ADGRB3: variants seen among roughly 807,000 people sequenced by gnomAD.
The protein encoded by ADGRB3 is adhesion G protein-coupled receptor B3, also known as brain-specific angiogenesis inhibitor 3.
In ADGRB3, 37 loss-of-function variants were observed where a neutral mutation model predicts 193.4. That is an observed-to-expected ratio of 0.19 (90% confidence interval 0.15 to 0.25). The LOEUF (loss-of-function observed/expected upper bound fraction) is 0.25. ADGRB3 is among the 10% of genes least tolerant of loss of function. The pLI is 1.00. For missense variants in ADGRB3, 1,637 were observed against 1,852.9 expected (o/e 0.88, Z 2.14); for synonymous variants, 690 against 644.2 (o/e 1.07, Z -1.08).
intron 11 of ADGRB3, among the ~76,000 whole-genome samples, chr6:69,004,564 T>TC (rs1769688781): frequency 1.2e-5 from 1 of 83,644 alleles, no homozygotes; most frequent in African/African-American, 4.9e-5. Context: ...CCCTCCCCCC[T>TC]CCCCCGACCC....
chr6:69,322,540 C>A (rs1193025390), intron 20 of ADGRB3, among the ~76,000 whole-genome samples: 4 of 151,852 alleles, frequency 2.6e-5, no homozygotes, highest in Non-Finnish European at 5.9e-5. Flanking sequence ...TTACTAATAG[C>A]CATTCTGACT....
chr6:69,284,887 A>G (rs990016071), intron 20 of ADGRB3, among the ~76,000 whole-genome samples: 1 of 152,212 alleles, frequency 6.6e-6, no homozygotes, highest in Non-Finnish European at 1.5e-5. Flanking sequence ...ATTGAGAAGT[A>G]CAAGAAAAAC....
chr6:69,275,178 A>T (rs1235789317), intron 20 of ADGRB3, among the ~76,000 whole-genome samples: 2 of 152,164 alleles, frequency 1.3e-5, no homozygotes, highest in Admixed American at 1.3e-4. Context: ...GATCTGACTA[A>T]TATTACCCCT....
chr6:68,996,798 C>G (rs953193250), intron 11 of ADGRB3, among the ~76,000 whole-genome samples: 1 of 152,108 alleles, frequency 6.6e-6, no homozygotes, highest in Non-Finnish European at 1.5e-5. Context: ...TGTTTCTGAT[C>G]CATCTTTGGA....
intron 29 of ADGRB3, among the ~76,000 whole-genome samples, chr6:69,369,951 C>G (rs925012898): frequency 1.3e-5 from 2 of 152,116 alleles, no homozygotes; most frequent in African/African-American, 4.8e-5. Flanking sequence ...CTTGGACTGA[C>G]TGGCTCATCT....
chr6:68,840,414 A>C (rs1768131879), intron 3 of ADGRB3, among the ~76,000 whole-genome samples: 2 of 65,814 alleles, frequency 3.0e-5, no homozygotes, highest in Non-Finnish European at 5.5e-5. Context: ...TTTTTGAGAC[A>C]AGGTCTTTCT....
At chr6:69,335,368 C>A (rs977977725) in intron 24 of ADGRB3, among the ~76,000 whole-genome samples, 1 of 152,000 alleles carries the variant, frequency 6.6e-6, no homozygotes, top group Non-Finnish European at 1.5e-5. Flanking sequence ...GTTTCACTGG[C>A]AAAACTGAGT....
At chr6:69,086,445 G>A (rs1772553236) in intron 17 of ADGRB3, among the ~76,000 whole-genome samples, 2 of 152,206 alleles carry the variant, frequency 1.3e-5, no homozygotes, top group South Asian at 2.1e-4. Context: ...GCAGTAGTCC[G>A]AAATGTGATG....
Position 69,388,747 on chromosome 6 carries a change from C to G in ADGRB3, c.4425C>G (p.Asn1475Lys). The G allele has an allele frequency of 6.2e-7, 1 of 1,613,390 alleles. No individual in the cohort carries two copies. Among genetic ancestry groups the G allele is most frequent in the Non-Finnish European group, 8.5e-7 (1 of 1,179,606 alleles). Residue 1475 changes from asparagine (N) to lysine (K), a missense_variant, in exon 32 of 32, where the codon AAC becomes AAG. Physicochemically the swap from Asn to Lys is moderately conservative, Grantham distance 94. Coordinates refer to ENST00000370598, the MANE Select transcript of ADGRB3 (RefSeq NM_001704.3). ...PNKNPWDTFK[N>K]PSEYPHYTTI... ...AGAATCCATGGGACACTTTCAAAAACCCCAGTGAATACCCGCATTACACCA... is the reference window on the plus strand; with the variant it reads ...AGAATCCATGGGACACTTTCAAAAAGCCCAGTGAATACCCGCATTACACCA...
intron 3 of ADGRB3, among the ~76,000 whole-genome samples, chr6:68,854,558 T>C (rs1215760256): frequency 7.0e-6 from 1 of 143,064 alleles, no homozygotes; most frequent in Non-Finnish European, 1.5e-5. Flanking sequence ...GAAAAAAGCT[T>C]GTCTTTTTTT....
In ADGRB3 at chr6:69,275,284, TTTC is replaced by T. The variant is rs1767278119; in HGVS notation, c.2814+36064_2814+36066del. 2.6e-5 allele frequency among the ~76,000 whole-genome samples: 4 copies of T among 152,238 alleles called. No individual in the cohort carries two copies. The South Asian group carries it at 8.3e-4, about 32-fold the overall frequency. ...AGTTTGAATTTTCATGACTTTATAGTTTCTTCTTTCATCTTTATTCCAACTAAA... is the reference window on the plus strand; with the variant it reads ...AGTTTGAATTTTCATGACTTTATAGTTTCTTTCATCTTTATTCCAACTAAA... On this transcript the variant is annotated intron_variant, in intron 20 of 31. Transcript: ENST00000370598.
At chr6:68,817,422 A>T (rs992804423) in intron 3 of ADGRB3, among the ~76,000 whole-genome samples, 27 of 142,156 alleles carry the variant, frequency 1.9e-4, no homozygotes, top group Non-Finnish European at 3.6e-4. Flanking sequence ...TACTTATGAT[A>T]TTCATTAGAT....
intron 13 of ADGRB3, among the ~76,000 whole-genome samples, chr6:69,034,253 A>G (rs970275648): frequency 6.6e-6 from 1 of 151,750 alleles, no homozygotes; most frequent in Non-Finnish European, 1.5e-5. Flanking sequence ...GCTTTTTCCA[A>G]ATTAATTCCC....
intron 20 of ADGRB3, among the ~76,000 whole-genome samples, chr6:69,252,778 A>G (rs933838628): frequency 2.0e-5 from 3 of 152,090 alleles, no homozygotes; most frequent in South Asian, 2.1e-4. Context: ...TTTGCTGAGT[A>G]GAAATTTTTG....
chr6:69,268,671 A>C (rs1323011660), intron 20 of ADGRB3, among the ~76,000 whole-genome samples: 1 of 152,156 alleles, frequency 6.6e-6, no homozygotes, highest in Non-Finnish European at 1.5e-5. Context: ...TAGAAACTTC[A>C]CATTGATTTT....
In ADGRB3 at chr6:69,031,043, TCTCTTCTC is replaced by T. The variant is rs1178801369; in HGVS notation, c.2107+12545_2107+12552del. 8.0e-4 allele frequency among the ~76,000 whole-genome samples: 6 copies of T among 7,536 alleles called. 1 individual carries two copies. Among genetic ancestry groups the T allele is most frequent in the Non-Finnish European group, 3.1e-4 (1 of 3,272 alleles). The allele number at this position is 7,536 out of a possible 152,430, so 4.9% of individuals were successfully genotyped here. A position where few individuals can be genotyped will look rare whatever the true frequency, so the allele number is the denominator to read the frequency against. On this transcript the variant is annotated intron_variant, in intron 13 of 31. Coordinates refer to ENST00000370598, the MANE Select transcript of ADGRB3 (RefSeq NM_001704.3). ...TTTTTTTTCCTCTTCTCTTCTCTCT[TCTCTTCTC>T]TTCTCTTCTCTTCTCTTCTCTTCTC...
At chr6:68,717,379 G>A (rs1765506406) in intron 3 of ADGRB3, among the ~76,000 whole-genome samples, 1 of 151,638 alleles carries the variant, frequency 6.6e-6, no homozygotes, top group South Asian at 2.1e-4. Flanking sequence ...AAAACGATAT[G>A]TTTTAGAATG....
chr6:69,054,209 G>T (rs1771480827), intron 15 of ADGRB3, among the ~76,000 whole-genome samples: 1 of 152,002 alleles, frequency 6.6e-6, no homozygotes, highest in Non-Finnish European at 1.5e-5. Context: ...TTTAAAGAAA[G>T]GAACAAATTT....
intron 3 of ADGRB3, among the ~76,000 whole-genome samples, chr6:68,738,421 G>A (rs1582160927): frequency 6.6e-6 from 1 of 152,086 alleles, no homozygotes; most frequent in Non-Finnish European, 1.5e-5. Context: ...AGAACAGCTG[G>A]GGGACAAAGC....
Sources: gnomAD v4.1 joint callset for allele counts (sites outside exome capture counted in the v4.1 genomes callset) on GRCh38, gnomAD v4.1.1 for gene constraint, MANE v1.5 for transcripts, NCBI Gene and HGNC (gene_info 2026-07-23, HGNC 2026-07-21) for gene names.